RPH3AL: variants seen among roughly 807,000 people sequenced by gnomAD.
RPH3AL encodes the protein rabphilin 3A like (without C2 domains).
Under a neutral mutation model 43.1 loss-of-function variants are expected in RPH3AL, and 38 were observed. The observed-to-expected ratio is 0.88, with a 90% confidence interval of 0.68 to 1.15. The LOEUF (loss-of-function observed/expected upper bound fraction) is 1.15, where lower values mean the gene tolerates loss of function less well. Ranked by LOEUF, RPH3AL falls within the 50% of genes most tolerant of loss-of-function variation. RPH3AL has a pLI of 0.00. For synonymous variants in RPH3AL, 189 were observed against 176.3 expected, an observed-to-expected ratio of 1.07 and a Z score of -0.57; for missense variants, 462 against 423.2, an observed-to-expected ratio of 1.09 and a Z score of -0.81.
At chr17:334,943 C>T (rs1288346459) in intron 1 of RPH3AL, among the ~76,000 whole-genome samples, 1 of 152,332 alleles carries the variant, frequency 6.6e-6, no homozygotes, top group African/African-American at 2.4e-5. Context: ...GGGCTGTGAT[C>T]GCTCCCCACC....
In RPH3AL at chr17:290,616, G is replaced by A. The variant is rs2043025824; in HGVS notation, c.352-8762C>T. On this transcript the variant is annotated intron_variant, in intron 5 of 9. Coordinates refer to ENST00000331302, the MANE Select transcript of RPH3AL (RefSeq NM_006987.4). This position sits in a 1 kb window ranked among gnomAD's most constrained non-coding sequence, Gnocchi z 4.2. ...CCAGATGGCACCCAAGAGTCACAAT[G>A]CGACAGAAGGTTCTGCTGGGCCACT... Among the ~76,000 whole-genome samples the A allele has an allele frequency of 6.6e-6, 1 of 151,882 alleles. No individual in the cohort carries two copies. The highest frequency in any genetic ancestry group is 2.4e-5 in the African/African-American group (1 of 41,300).
chr17:321,603 C>CCCAGGTGGCAGCAGAGAT (rs2044478517), intron 3 of RPH3AL, 188 bp from the exon 4 acceptor site: 23 of 454,704 alleles, frequency 5.1e-5, no homozygotes, highest in South Asian at 1.9e-4. Flanking sequence ...GCAACAGAGA[C>CCCAGGTGGCAGCAGAGAT]GGCCCAGGTG....
chr17:276,397 G>A (rs2042656104), intron 6 of RPH3AL, among the ~76,000 whole-genome samples: 1 of 151,862 alleles, frequency 6.6e-6, no homozygotes, highest in Non-Finnish European at 1.5e-5. Flanking sequence ...TTAGAGACAG[G>A]GCCTTGCTCT....
chr17:221,808 G>T (rs1401027788), intron 7 of RPH3AL, among the ~76,000 whole-genome samples: 15 of 109,628 alleles, frequency 1.4e-4, no homozygotes, highest in East Asian at 5.1e-4. Flanking sequence ...AAGCACAACA[G>T]CTCTGAGGGC....
At chr17:344,196 C>T (rs117679592) in intron 1 of RPH3AL, among the ~76,000 whole-genome samples, 1,637 of 132,644 alleles carry the variant, frequency 0.012, 377 homozygotes, top group Middle Eastern at 0.021. Context: ...TAATCACCCT[C>T]ATCATCATCA....
intron 6 of RPH3AL, among the ~76,000 whole-genome samples, chr17:271,384 A>G (rs957136333): frequency 1.3e-5 from 2 of 152,288 alleles, no homozygotes; most frequent in African/African-American, 4.8e-5. Context: ...CCATTTTCAC[A>G]ATATTGATTC....
chr17:329,986 C>G (rs9911492), intron 2 of RPH3AL, among the ~76,000 whole-genome samples: 26,904 of 152,240 alleles, frequency 0.18, 2,825 homozygotes, highest in African/African-American at 0.29. Flanking sequence ...ACATTTGTGA[C>G]AGGATAAAAC....
chr17:223,567 C>T (rs971442787), intron 7 of RPH3AL, among the ~76,000 whole-genome samples: 3 of 152,210 alleles, frequency 2.0e-5, no homozygotes, highest in Non-Finnish European at 4.4e-5. Context: ...GTCTATACTG[C>T]GGTGGCTAGC....
At chr17:338,675 A>G (rs2045026556) in intron 1 of RPH3AL, 1 of 152,194 alleles carries the variant, frequency 6.6e-6, no homozygotes, top group African/African-American at 2.4e-5. Flanking sequence ...TTGTCTTTTA[A>G]TGCAGAAACG....
At chr17:304,818 C>A (rs968699324) in intron 5 of RPH3AL, among the ~76,000 whole-genome samples, 2 of 151,038 alleles carry the variant, frequency 1.3e-5, no homozygotes, top group East Asian at 3.9e-4. Flanking sequence ...ATTTTTAAAC[C>A]ATTTTTAAAT....
intron 6 of RPH3AL, among the ~76,000 whole-genome samples, chr17:260,014 CCT>C (rs1177199388): frequency 9.2e-5 from 14 of 152,182 alleles, no homozygotes; most frequent in Non-Finnish European, 1.5e-4. Flanking sequence ...CCTGAAGACC[CCT>C]CTCTCTGTCC....
chr17:327,654 C>T, intron 2 of RPH3AL, 75 bp from the exon 3 acceptor site: 2 of 847,972 alleles, frequency 2.4e-6, no homozygotes, highest in Non-Finnish European at 3.8e-6. Context: ...TTCTCTGTGC[C>T]CTCAGGCCCC....
intron 5 of RPH3AL, among the ~76,000 whole-genome samples, chr17:291,189 A>G (rs996475789): frequency 1.3e-5 from 2 of 152,188 alleles, no homozygotes; most frequent in African/African-American, 2.4e-5. Flanking sequence ...GAAAACAAAC[A>G]AGACACGGCC....
intron 1 of RPH3AL, among the ~76,000 whole-genome samples, chr17:350,025 G>C (rs542578364): frequency 1.3e-5 from 2 of 152,160 alleles, no homozygotes; most frequent in South Asian, 4.1e-4. Flanking sequence ...CTGCAGATGC[G>C]ATCTCCCTTT....
chr17:273,127 C>CGTCAGGGAGAGACCCCAGCAAGGGTGAT (rs2042549154), intron 6 of RPH3AL, among the ~76,000 whole-genome samples: 1 of 67,950 alleles, frequency 1.5e-5, no homozygotes, highest in African/African-American at 4.9e-5. Flanking sequence ...GCGAGGGTGA[C>CGTCAGGGAGAGACCCCAGCAAGGGTGAT]GTCAGGGAGA....
intron 2 of RPH3AL, among the ~76,000 whole-genome samples, chr17:329,619 G>A (rs746710882): frequency 3.9e-5 from 6 of 152,078 alleles, no homozygotes; most frequent in African/African-American, 4.8e-5. Flanking sequence ...CCCATTAGAC[G>A]TTCACATAAT....
chr17:296,100 AG>A (rs2043171776), intron 5 of RPH3AL, among the ~76,000 whole-genome samples: 1 of 143,110 alleles, frequency 7.0e-6, no homozygotes, highest in Non-Finnish European at 1.5e-5. Flanking sequence ...TGGGAGGGAC[AG>A]AGGAGCTGCA....
At chr17:260,319 A>G (rs995538497) in intron 6 of RPH3AL, among the ~76,000 whole-genome samples, 1 of 152,174 alleles carries the variant, frequency 6.6e-6, no homozygotes, top group Non-Finnish European at 1.5e-5. Flanking sequence ...CTGGTACAGC[A>G]CGCCACACCT....
chr17:243,572 CTGATTACCCTTCCTCTAT>C lies in RPH3AL; in HGVS notation c.613+3521_613+3538del, dbSNP rs1173989146. On this transcript the variant is annotated intron_variant, in intron 7 of 9. Transcript: ENST00000331302. ...TCCTCTACTGATTGCCCCTCCTCTA[CTGATTACCCTTCCTCTAT>C]TGATTACCCTTCCTCTATTGATTAC... 8.6e-3 allele frequency among the ~76,000 whole-genome samples: 1,035 copies of C among 120,408 alleles called. 17 individuals carry two copies. The highest frequency in any genetic ancestry group is 0.033 in the African/African-American group (963 of 29,252). The allele number at this position is 120,408 out of a possible 152,430, so 79.0% of individuals were successfully genotyped here.
Sources: allele counts gnomAD v4.1 joint callset (sites outside exome capture counted in the v4.1 genomes callset), GRCh38; gene constraint gnomAD v4.1.1; non-coding constraint Gnocchi (gnomAD v3.1); transcripts MANE v1.5; gene names NCBI Gene and HGNC (gene_info 2026-07-23, HGNC 2026-07-21).